The following RBFOX2 variants were observed in gnomAD, a reference collection of about 807,000 sequenced individuals.
RBFOX2 encodes RNA binding protein fox-1 homolog 2.
A neutral mutation model predicts 49.1 loss-of-function variants in RBFOX2; 10 were observed. The observed-to-expected ratio is 0.20, with a 90% confidence interval of 0.13 to 0.35. RBFOX2 has a LOEUF of 0.35. Among genes scored for constraint, RBFOX2 ranks in the 10% least tolerant of loss-of-function variants. RBFOX2 has a pLI of 1.00. For missense variants in RBFOX2, 323 were observed against 486.9 expected (o/e 0.66, Z 3.17); for synonymous variants, 183 against 187.4 (o/e 0.98, Z 0.19).
chr22:35,982,478 T>C (rs910461590), intron 1 of RBFOX2, among the ~76,000 whole-genome samples: 7 of 152,200 alleles, frequency 4.6e-5, no homozygotes, highest in Non-Finnish European at 8.8e-5. Context: ...GGTCATGGAC[T>C]GTCTCTCTCT....
At chr22:35,822,957 G>T (rs1395911230) in intron 1 of RBFOX2, 1 of 329,682 alleles carries the variant, frequency 3.0e-6, no homozygotes, top group Non-Finnish European at 5.8e-6. Context: ...CCAAGTAGCT[G>T]GGATTATAGG....
At chr22:35,930,200 T>C (rs954341284) in intron 1 of RBFOX2, among the ~76,000 whole-genome samples, 3 of 151,620 alleles carry the variant, frequency 2.0e-5, no homozygotes, top group Non-Finnish European at 4.4e-5. Flanking sequence ...TTTGTATTTT[T>C]AGTAGAGATA....
intron 9 of RBFOX2, among the ~76,000 whole-genome samples, chr22:35,753,387 T>C (rs187265180): frequency 1.3e-5 from 2 of 152,352 alleles, no homozygotes; most frequent in Admixed American, 1.3e-4. Flanking sequence ...GTATTAGGCC[T>C]AACTCAGTAG....
At chr22:35,986,306 A>G (rs2057723501) in intron 1 of RBFOX2, among the ~76,000 whole-genome samples, 1 of 152,140 alleles carries the variant, frequency 6.6e-6, no homozygotes, top group Non-Finnish European at 1.5e-5. Flanking sequence ...CAGGATGAGG[A>G]AGGAGAATGA....
intron 1 of RBFOX2, among the ~76,000 whole-genome samples, chr22:35,815,200 C>T (rs1054794212): frequency 1.3e-5 from 2 of 152,148 alleles, no homozygotes; most frequent in South Asian, 2.1e-4. Context: ...AAAAGTCAGA[C>T]TTGAGTTTAA....
intron 2 of RBFOX2, among the ~76,000 whole-genome samples, chr22:35,794,724 G>A (rs1948441505): frequency 6.6e-6 from 1 of 151,882 alleles, no homozygotes; most frequent in Admixed American, 6.6e-5. Context: ...TCATTTTCAA[G>A]AGGTAGTATA....
exon 12 of RBFOX2, chr22:35,741,854 T>A (rs2145658517): frequency 6.5e-6 from 1 of 152,750 alleles, no homozygotes; most frequent in South Asian, 2.1e-4. Flanking sequence ...AGAGAAAAAC[T>A]CTTAAACTCA....
At chr22:35,755,968 TA>T (rs1936781436) in intron 9 of RBFOX2, 136 bp downstream of exon 11, 1 of 371,928 alleles carries the variant, frequency 2.7e-6, no homozygotes, top group Admixed American at 5.0e-5. Flanking sequence ...TATATATATA[TA>T]TATATCCACA....
intron 4 of RBFOX2, among the ~76,000 whole-genome samples, chr22:35,770,949 T>C (rs1315005976): frequency 6.6e-6 from 1 of 152,186 alleles, no homozygotes; most frequent in Non-Finnish European, 1.5e-5. Context: ...TAAAGCAATC[T>C]TTATAAGCAT....
intron 1 of RBFOX2, among the ~76,000 whole-genome samples, chr22:36,004,849 C>T (rs2058561840): frequency 6.6e-6 from 1 of 152,080 alleles, no homozygotes; most frequent in South Asian, 2.1e-4. Context: ...CTGGCACTTA[C>T]TGAGACTGAG....
chr22:35,990,517 G>A (rs1383307022), intron 1 of RBFOX2, among the ~76,000 whole-genome samples: 1 of 152,174 alleles, frequency 6.6e-6, no homozygotes, highest in Non-Finnish European at 1.5e-5. Context: ...GAGTCTTAAT[G>A]AGAAAATGAG....
chr22:35,930,605 G>A (rs1396935039), intron 1 of RBFOX2, among the ~76,000 whole-genome samples: 6 of 151,962 alleles, frequency 3.9e-5, no homozygotes, highest in Non-Finnish European at 5.9e-5. Flanking sequence ...TGAAGCAGGC[G>A]GATCACTTGA....
At chr22:35,890,571 A>T (rs902278551) in intron 1 of RBFOX2, among the ~76,000 whole-genome samples, 3 of 152,094 alleles carry the variant, frequency 2.0e-5, no homozygotes, top group African/African-American at 7.2e-5. Flanking sequence ...GGACTACTAT[A>T]CTGATAAACT....
At chr22:35,812,471 C>G (rs1827168560) in intron 1 of RBFOX2, among the ~76,000 whole-genome samples, 1 of 152,064 alleles carries the variant, frequency 6.6e-6, no homozygotes, top group Non-Finnish European at 1.5e-5. Flanking sequence ...ATCTCCCTTC[C>G]CCTTCAAATT....
At chr22:35,975,894 T>C (rs2057123437) in intron 1 of RBFOX2, among the ~76,000 whole-genome samples, 1 of 152,154 alleles carries the variant, frequency 6.6e-6, no homozygotes, top group African/African-American at 2.4e-5. Flanking sequence ...ACTGAGGAGA[T>C]ACAAGAAGAA....
Position 35,817,482 on chromosome 22 carries a change from AAATAAAT to A in RBFOX2, c.28-7485_28-7479del, listed in dbSNP as rs1216735440. On this transcript the variant is annotated intron_variant, in intron 1 of 11. Coordinates refer to ENST00000405409, the Ensembl canonical transcript of RBFOX2. ...ACAGAGTAAGACTTTGTCTCAAAATAAATAAATAAATAAATAAATAAATAAATAAAAA... is the reference window on the plus strand; with the variant it reads ...ACAGAGTAAGACTTTGTCTCAAAATAAAATAAATAAATAAATAAATAAAAA... Among the ~76,000 whole-genome samples the A allele has an allele frequency of 3.1e-4, 12 of 38,420 alleles. No individual in the cohort carries two copies. In the South Asian group the frequency reaches 6.5e-3, roughly 21 times the overall value. The allele number at this position is 38,420 out of a possible 152,430, so 25.2% of individuals were successfully genotyped here.
intron 2 of RBFOX2, among the ~76,000 whole-genome samples, chr22:35,799,722 A>C (rs1949425773): frequency 6.6e-6 from 1 of 152,054 alleles, no homozygotes; most frequent in Non-Finnish European, 1.5e-5. Flanking sequence ...CTGAGGTGGG[A>C]GAATTGCTTG....
At chr22:35,746,078 T>C in intron 10 of RBFOX2, 83 bp from the exon 13 acceptor site, 2 of 1,202,882 alleles carry the variant, frequency 1.7e-6, no homozygotes, top group South Asian at 1.3e-5. Flanking sequence ...CTTTAAGACT[T>C]GTGAGTCACT....
chr22:35,798,687 C>T (rs941225894), intron 2 of RBFOX2, among the ~76,000 whole-genome samples: 1 of 151,984 alleles, frequency 6.6e-6, no homozygotes, highest in Non-Finnish European at 1.5e-5. Context: ...GTTATTGCCC[C>T]TATATATGTA....
Sources: gnomAD v4.1 joint callset for allele counts (sites outside exome capture counted in the v4.1 genomes callset) on GRCh38, gnomAD v4.1.1 for gene constraint, MANE v1.5 for transcripts, NCBI Gene and HGNC (gene_info 2026-07-23, HGNC 2026-07-21) for gene names.